The following PRKG1 variants were observed in gnomAD, a reference collection of about 807,000 sequenced individuals.
PRKG1 encodes the protein protein kinase cGMP-dependent 1.
In PRKG1, 35 loss-of-function variants were observed where a neutral mutation model predicts 88.1. The ratio of observed to expected loss-of-function variants is 0.40; its 90% confidence interval spans 0.30 to 0.53. PRKG1 has a LOEUF of 0.53. PRKG1 is among the 20% of genes least tolerant of loss of function. The pLI is 0.59. For missense variants in PRKG1, 540 were observed against 839.8 expected (o/e 0.64, Z 4.41); for synonymous variants, 303 against 292.5 (o/e 1.04, Z -0.37).
At chr10:51,041,111 G>T (rs1009653280) in intron 1 of PRKG1, among the ~76,000 whole-genome samples, 1 of 151,854 alleles carries the variant, frequency 6.6e-6, no homozygotes. Context: ...ACCACCCCAC[G>T]CCTGGAGTGA....
intron 3 of PRKG1, among the ~76,000 whole-genome samples, chr10:51,790,258 T>C (rs1295260385): frequency 2.0e-5 from 3 of 152,172 alleles, no homozygotes; most frequent in Non-Finnish European, 4.4e-5. Flanking sequence ...TCTTTCTTTT[T>C]TGACTCTCTT....
chr10:51,047,808 T>C (rs534639477), intron 1 of PRKG1, among the ~76,000 whole-genome samples: 1 of 152,228 alleles, frequency 6.6e-6, no homozygotes, highest in Admixed American at 6.5e-5. Flanking sequence ...AAACAAGATA[T>C]ACCAAGAAGG....
intron 3 of PRKG1, among the ~76,000 whole-genome samples, chr10:51,710,654 A>G (rs1379017228): frequency 6.6e-6 from 1 of 152,242 alleles, no homozygotes; most frequent in Middle Eastern, 3.2e-3. Context: ...AAATTTAAGT[A>G]CCACATAAGT....
At chr10:51,529,471 C>T (rs1474729837) in intron 3 of PRKG1, among the ~76,000 whole-genome samples, 1 of 152,186 alleles carries the variant, frequency 6.6e-6, no homozygotes, top group African/African-American at 2.4e-5. Flanking sequence ...GACTCTCTAA[C>T]AATGTCACCT....
chr10:51,858,367 T>TATAATATATTTAA (rs1483293251), intron 4 of PRKG1, among the ~76,000 whole-genome samples: 5 of 29,226 alleles, frequency 1.7e-4, no homozygotes, highest in Non-Finnish European at 4.2e-4. Context: ...ATATTATATA[T>TATAATATATTTAA]AATATATATA....
chr10:51,103,515 A>T lies in PRKG1; in HGVS notation c.311+28614A>T, dbSNP rs183622770. Among the ~76,000 whole-genome samples, 40 of 152,340 alleles carry T rather than the reference A, an allele frequency of 2.6e-4. No homozygotes were observed. In the East Asian group the frequency reaches 7.3e-3, roughly 28 times the overall value. ...CCCAATAAAATTGTCACTGATTGTG[A>T]TGATAGACCGAAGACATTTCTGATA... On this transcript the variant is annotated intron_variant, in intron 1 of 17. Transcript: ENST00000373980.
chr10:52,059,466 A>G (rs965716030), intron 6 of PRKG1, among the ~76,000 whole-genome samples: 1 of 151,900 alleles, frequency 6.6e-6, no homozygotes, highest in South Asian at 2.1e-4. Flanking sequence ...AAAAACATAA[A>G]CTATTGAATC....
intron 2 of PRKG1, among the ~76,000 whole-genome samples, chr10:51,462,885 C>G (rs1334335829): frequency 6.6e-6 from 1 of 151,614 alleles, no homozygotes; most frequent in Non-Finnish European, 1.5e-5. Flanking sequence ...TAAGAGGACA[C>G]GATGAAAATT....
intron 9 of PRKG1, among the ~76,000 whole-genome samples, chr10:52,204,819 A>C (rs556210645): frequency 6.6e-6 from 1 of 152,328 alleles, no homozygotes; most frequent in East Asian, 1.9e-4. Flanking sequence ...GGGCACCTTA[A>C]GAACAGGATA....
At position 52,188,302 on chromosome 10, in the gene PRKG1, GTATATATATACATATGTA is replaced by G. The variant is rs1363650065; in HGVS notation, c.1076+26348_1076+26365del. ...TACATATATATGTGTATATATATAT[GTATATATATACATATGTA>G]TATATATACACATATATATATATAT... On this transcript the variant is annotated intron_variant, in intron 9 of 17. Coordinates refer to ENST00000373980, the MANE Select transcript of PRKG1 (RefSeq NM_006258.4). Among the ~76,000 whole-genome samples the G allele has an allele frequency of 1.9e-4, 17 of 89,168 alleles. No individual in the cohort carries two copies. In the South Asian group the frequency reaches 3.6e-3, roughly 19 times the overall value. The allele number at this position is 89,168 out of a possible 152,430, so 58.5% of individuals were successfully genotyped here.
At chr10:52,245,039 C>T (rs1367741976) in intron 9 of PRKG1, among the ~76,000 whole-genome samples, 2 of 148,198 alleles carry the variant, frequency 1.3e-5, no homozygotes, top group African/African-American at 4.9e-5. Context: ...TTTACTTTTC[C>T]AGACTTGCAG....
intron 3 of PRKG1, among the ~76,000 whole-genome samples, chr10:51,619,987 C>T (rs779849513): frequency 3.9e-5 from 6 of 152,052 alleles, no homozygotes; most frequent in Non-Finnish European, 7.4e-5. Flanking sequence ...TTGAAACATG[C>T]CATGATAATT....
intron 7 of PRKG1, 178 bp downstream of exon 7, chr10:52,062,809 A>G (rs2133269869): frequency 1.4e-6 from 1 of 725,300 alleles, no homozygotes; most frequent in South Asian, 1.5e-5. Flanking sequence ...ATCTGTTTGA[A>G]TACGTTGTGG....
intron 3 of PRKG1, among the ~76,000 whole-genome samples, chr10:51,590,128 C>G (rs7922480): frequency 0.076 from 11,625 of 152,072 alleles, 1,479 homozygotes; most frequent in African/African-American, 0.26. Context: ...ATGGTCAGAC[C>G]AACATAGTTG....
intron 4 of PRKG1, among the ~76,000 whole-genome samples, chr10:51,899,668 A>AATTTATATATATATATAT: frequency 1.8e-5 from 1 of 54,278 alleles, no homozygotes; most frequent in Admixed American, 2.2e-4. Context: ...AAAAAAGAAA[A>AATTTATATATATATATAT]ATGTATATAT....
intron 3 of PRKG1, among the ~76,000 whole-genome samples, chr10:51,647,488 C>T (rs1321773060): frequency 2.6e-5 from 4 of 152,160 alleles, no homozygotes; most frequent in African/African-American, 7.2e-5. Flanking sequence ...AACAACTAAG[C>T]GAACTTGGCT....
rs192127655 is a variant in PRKG1 at position 51,599,545 on chromosome 10, C to T, written c.592+131709C>T. On this transcript the variant is annotated intron_variant, in intron 3 of 17. Transcript: ENST00000373980. ...TAATTTTGGCCTTAATAATTATTATCAGATATTACAACACTGTATCTTTCT... is the reference window on the plus strand; with the variant it reads ...TAATTTTGGCCTTAATAATTATTATTAGATATTACAACACTGTATCTTTCT... Among the ~76,000 whole-genome samples the T allele has an allele frequency of 4.8e-3, 727 of 152,206 alleles. 4 individuals are homozygous for T. The highest frequency in any genetic ancestry group is 6.4e-3 in the Non-Finnish European group (437 of 68,004).
intron 3 of PRKG1, among the ~76,000 whole-genome samples, chr10:51,635,200 A>G (rs1839625161): frequency 6.6e-6 from 1 of 151,902 alleles, no homozygotes; most frequent in African/African-American, 2.4e-5. Context: ...ATTAGAATCA[A>G]CTAATATAAG....
At chr10:51,138,389 C>T (rs950998001) in intron 1 of PRKG1, among the ~76,000 whole-genome samples, 77 of 152,212 alleles carry the variant, frequency 5.1e-4, no homozygotes, top group African/African-American at 1.8e-3. Context: ...TATATGATGC[C>T]AAATGAGTCA....
Sources: allele counts gnomAD v4.1 joint callset (sites outside exome capture counted in the v4.1 genomes callset), GRCh38; gene constraint gnomAD v4.1.1; transcripts MANE v1.5; gene names NCBI Gene and HGNC (gene_info 2026-07-23, HGNC 2026-07-21).